The following CCDC178 variants were observed in gnomAD, a reference collection of about 807,000 sequenced individuals.
CCDC178 encodes the protein coiled-coil domain containing 178.
A neutral mutation model predicts 117.4 loss-of-function variants in CCDC178; 126 were observed. The ratio of observed to expected loss-of-function variants is 1.07; its 90% CI spans 0.93 to 1.24. The LOEUF is 1.24. Among genes scored for constraint, CCDC178 ranks in the 50% most tolerant of loss-of-function variants. The probability of loss-of-function intolerance (pLI) is 0.00; values close to 1 mark genes in which losing one functional copy is unlikely to be tolerated. For missense variants in CCDC178, 1,030 were observed against 986.9 expected (o/e 1.04, Z -0.59); for synonymous variants, 283 against 313.4 (o/e 0.90, Z 1.02).
intron 11 of CCDC178, among the ~76,000 whole-genome samples, chr18:33,304,632 T>A (rs1456903477): frequency 6.6e-6 from 1 of 152,208 alleles, no homozygotes; most frequent in African/African-American, 2.4e-5. Flanking sequence ...TCTCTAACTC[T>A]GCTTATCTTT....
intron 20 of CCDC178, among the ~76,000 whole-genome samples, chr18:33,093,840 T>C (rs953843465): frequency 3.3e-5 from 5 of 152,016 alleles, no homozygotes; most frequent in Admixed American, 6.6e-5. Context: ...TTATTTATAA[T>C]AGCAAAATAA....
chr18:33,392,009 G>A (rs1484360433), intron 4 of CCDC178, among the ~76,000 whole-genome samples: 1 of 151,898 alleles, frequency 6.6e-6, no homozygotes, highest in Non-Finnish European at 1.5e-5. Context: ...GACTACAGGA[G>A]TGCGCCACCA....
intron 20 of CCDC178, among the ~76,000 whole-genome samples, chr18:33,116,544 T>G (rs1053827875): frequency 6.6e-6 from 1 of 152,062 alleles, no homozygotes; most frequent in Non-Finnish European, 1.5e-5. Context: ...GCAGCTGGAG[T>G]GAGTTCTCAC....
chr18:33,106,658 C>T (rs1300555759), intron 20 of CCDC178, among the ~76,000 whole-genome samples: 1 of 151,600 alleles, frequency 6.6e-6, no homozygotes, highest in Non-Finnish European at 1.5e-5. Flanking sequence ...TGGGAATATG[C>T]TATGCTACAT....
rs34095942 is a variant in CCDC178 at position 33,416,427 on chromosome 18, GAAA to G, written c.-22-4320_-22-4318del. ...GGGTGACAGAGCCAGACTCTGTCTC[GAAA>G]AAAAAAAAAAGAAAAAAACTGCCCC... On this transcript the variant is annotated intron_variant, in intron 2 of 22. Coordinates refer to ENST00000383096, the MANE Select transcript of CCDC178 (RefSeq NM_001105528.4). Among the ~76,000 whole-genome samples the G allele has an allele frequency of 3.7e-4, 52 of 141,362 alleles. No individual in the cohort carries two copies. In the South Asian group the frequency reaches 0.011, roughly 30 times the overall value. The allele number at this position is 141,362 out of a possible 152,430, so 92.7% of individuals were successfully genotyped here. A position where few individuals can be genotyped will look rare whatever the true frequency, so the allele number is the denominator to read the frequency against.
At chr18:33,406,991 C>A (rs2063790137) in intron 3 of CCDC178, among the ~76,000 whole-genome samples, 1 of 152,140 alleles carries the variant, frequency 6.6e-6, no homozygotes, top group Non-Finnish European at 1.5e-5. Flanking sequence ...TGAAAAACAT[C>A]ATGTTAACTA....
At chr18:33,235,519 G>A (rs1236489628) in intron 15 of CCDC178, among the ~76,000 whole-genome samples, 1 of 152,004 alleles carries the variant, frequency 6.6e-6, no homozygotes, top group Non-Finnish European at 1.5e-5. Context: ...CATGTATAAG[G>A]GGTTTTTCAT....
At chr18:33,122,480 CTG>C (rs1206653495) in intron 20 of CCDC178, among the ~76,000 whole-genome samples, 8 of 152,002 alleles carry the variant, frequency 5.3e-5, no homozygotes, top group African/African-American at 1.7e-4. Context: ...AGGCATAATG[CTG>C]TGTTATTAAA....
At chr18:32,955,723 CATT>C (rs1399844819) in intron 22 of CCDC178, among the ~76,000 whole-genome samples, 2 of 152,062 alleles carry the variant, frequency 1.3e-5, no homozygotes, top group East Asian at 3.9e-4. Flanking sequence ...TTGGTAAACT[CATT>C]ATATATTTCA....
At chr18:33,137,822 C>T (rs931195985) in intron 20 of CCDC178, among the ~76,000 whole-genome samples, 12 of 152,132 alleles carry the variant, frequency 7.9e-5, no homozygotes, top group African/African-American at 1.4e-4. Flanking sequence ...CACAATCACA[C>T]GGGCAATTAG....
At chr18:33,080,568 T>C (rs992234598) in intron 21 of CCDC178, among the ~76,000 whole-genome samples, 2 of 152,156 alleles carry the variant, frequency 1.3e-5, no homozygotes, top group Non-Finnish European at 2.9e-5. Context: ...TCAATCCTGT[T>C]GACACTTTCA....
intron 21 of CCDC178, among the ~76,000 whole-genome samples, chr18:33,018,410 C>G (rs2056041686): frequency 6.6e-6 from 1 of 152,042 alleles, no homozygotes; most frequent in African/African-American, 2.4e-5. Context: ...CAATTTTACT[C>G]TGAGGTACAC....
intron 21 of CCDC178, among the ~76,000 whole-genome samples, chr18:33,041,665 TA>T (rs1413350754): frequency 6.6e-6 from 1 of 151,600 alleles, no homozygotes; most frequent in African/African-American, 2.4e-5. Flanking sequence ...AATTATTTCT[TA>T]AATTGAGAAA....
intron 21 of CCDC178, among the ~76,000 whole-genome samples, chr18:33,032,179 G>T (rs546652687): frequency 1.3e-5 from 2 of 152,220 alleles, no homozygotes; most frequent in African/African-American, 4.8e-5. Flanking sequence ...TCATGGTTGT[G>T]TCTGCTTTAT....
At chr18:33,095,650 T>C (rs1364615759) in intron 20 of CCDC178, among the ~76,000 whole-genome samples, 2 of 151,948 alleles carry the variant, frequency 1.3e-5, no homozygotes, top group African/African-American at 4.8e-5. Context: ...ATATATATTG[T>C]GCCCTTTGGA....
intron 20 of CCDC178, among the ~76,000 whole-genome samples, chr18:33,137,690 A>G (rs2058146364): frequency 6.6e-6 from 1 of 152,246 alleles, no homozygotes; most frequent in Admixed American, 6.5e-5. Flanking sequence ...TTAGACAACC[A>G]ATCTCCATAG....
chr18:33,369,704 C>G (rs112719134), intron 6 of CCDC178, among the ~76,000 whole-genome samples: 44 of 151,876 alleles, frequency 2.9e-4, no homozygotes, highest in African/African-American at 8.2e-4. Flanking sequence ...TTTTATACAC[C>G]AATTTAATCA....
intron 12 of CCDC178, among the ~76,000 whole-genome samples, chr18:33,287,190 T>C (rs112747032): frequency 1.2e-4 from 18 of 152,296 alleles, no homozygotes; most frequent in Middle Eastern, 3.4e-3. Context: ...TTAAGTTGTA[T>C]GTGCAATTAG....
intron 21 of CCDC178, among the ~76,000 whole-genome samples, chr18:33,063,815 C>T (rs796908671): frequency 2.2e-4 from 33 of 152,342 alleles, no homozygotes; most frequent in African/African-American, 7.9e-4. Flanking sequence ...ACCACCACCA[C>T]TTGTGCCAGA....
Sources: allele counts gnomAD v4.1 joint callset (sites outside exome capture counted in the v4.1 genomes callset), GRCh38; gene constraint gnomAD v4.1.1; transcripts MANE v1.5; gene names NCBI Gene and HGNC (gene_info 2026-07-23, HGNC 2026-07-21).